The following SH3BGR variants were observed in gnomAD, a reference collection of about 807,000 sequenced individuals.
The protein encoded by SH3BGR is SH3 domain binding glutamate rich protein.
A neutral mutation model predicts 24.5 loss-of-function variants in SH3BGR; 29 were observed. That is an observed-to-expected ratio of 1.18 (90% CI 0.88 to 1.61). The LOEUF (loss-of-function observed/expected upper bound fraction) is 1.61. Among genes scored for constraint, SH3BGR ranks in the 40% most tolerant of loss-of-function variants. SH3BGR has a pLI of 0.00. For missense variants in SH3BGR, 162 were observed against 205.8 expected, an observed-to-expected ratio of 0.79 and a Z score of 1.30; for synonymous variants, 55 against 65.7, an observed-to-expected ratio of 0.84 and a Z score of 0.79.
chr21:39,492,781 A>G (rs907650007), intron 3 of SH3BGR, among the ~76,000 whole-genome samples: 3 of 151,978 alleles, frequency 2.0e-5, no homozygotes, highest in African/African-American at 7.3e-5. Flanking sequence ...CCACGCCAAC[A>G]CCTATATTTT....
At chr21:39,495,007 A>T (rs1017713354) in intron 3 of SH3BGR, among the ~76,000 whole-genome samples, 1 of 151,336 alleles carries the variant, frequency 6.6e-6, no homozygotes, top group Non-Finnish European at 1.5e-5. Context: ...TTTTTATTTC[A>T]TATATTGTAT....
chr21:39,456,858 T>C (rs921599006), intron 1 of SH3BGR, among the ~76,000 whole-genome samples: 3 of 152,128 alleles, frequency 2.0e-5, no homozygotes, highest in Non-Finnish European at 4.4e-5. Flanking sequence ...TGAGTAAGTG[T>C]TGTGTTGTGG....
chr21:39,482,083 G>A (rs2078138986), intron 3 of SH3BGR, among the ~76,000 whole-genome samples: 2 of 152,154 alleles, frequency 1.3e-5, no homozygotes. Context: ...TGTTGCAAAC[G>A]TGAAGTCCAT....
At chr21:39,506,063 G>A (rs184966591) in intron 4 of SH3BGR, among the ~76,000 whole-genome samples, 67 of 152,318 alleles carry the variant, frequency 4.4e-4, no homozygotes, top group African/African-American at 1.6e-3. Flanking sequence ...CAGATTTCAT[G>A]TGTTCTTCTA....
At chr21:39,512,563 G>C (rs1447453021) in intron 6 of SH3BGR, among the ~76,000 whole-genome samples, 1 of 152,162 alleles carries the variant, frequency 6.6e-6, no homozygotes, top group Non-Finnish European at 1.5e-5. Flanking sequence ...TGGATCTTGA[G>C]GACATGGGCG....
chr21:39,497,032 G>A (rs2078408205), intron 3 of SH3BGR, among the ~76,000 whole-genome samples: 1 of 151,846 alleles, frequency 6.6e-6, no homozygotes. Flanking sequence ...AATACTTTGT[G>A]TAACAACTTG....
chr21:39,513,670 G>A (rs1220581097), intron 6 of SH3BGR, among the ~76,000 whole-genome samples: 1 of 151,842 alleles, frequency 6.6e-6, no homozygotes, highest in Non-Finnish European at 1.5e-5. Context: ...CATTTCTAAG[G>A]AGTGGGTTGG....
chr21:39,477,935 T>C (rs1353280366), intron 3 of SH3BGR, among the ~76,000 whole-genome samples: 1 of 152,232 alleles, frequency 6.6e-6, no homozygotes, highest in African/African-American at 2.4e-5. Context: ...ACGTATACAT[T>C]GTGGATTGGC....
intron 2 of SH3BGR, 115 bp from the exon 3 acceptor site, chr21:39,475,020 A>T (rs1192264741): frequency 1.6e-6 from 1 of 626,942 alleles, no homozygotes; most frequent in East Asian, 2.8e-5. Context: ...AACTGGGATG[A>T]CTTTTTGTGT....
intron 3 of SH3BGR, chr21:39,491,922 G>A (rs545133304): frequency 2.8e-4 from 43 of 153,918 alleles, no homozygotes; most frequent in Non-Finnish European, 5.5e-4. Flanking sequence ...ACTGGAGCTG[G>A]TCTCCCATTT....
At position 39,452,131 on chromosome 21, in the gene SH3BGR, G is replaced by A; in HGVS notation, c.35G>A (p.Gly12Glu). 1 of 1,614,020 alleles carries A rather than the reference G, an allele frequency of 6.2e-7. No homozygotes were observed. The highest frequency in any genetic ancestry group is 1.1e-5 in the South Asian group (1 of 91,056). ...VIKVFVATSS[G>E]SIAIRKKQQE... ...AAAGTGTTTGTTGCTACATCTTCTG[G>A]GTCCATAGCGGTAGGTGTCTGGTGG... Residue 12 changes from glycine to glutamate, a missense_variant, in exon 1 of 7, where the codon GGG (glycine) becomes GAG (glutamate). Physicochemically the swap from Gly to Glu is moderately conservative, Grantham distance 98. Coordinates refer to ENST00000333634, the MANE Select transcript of SH3BGR (RefSeq NM_007341.3).
intron 3 of SH3BGR, among the ~76,000 whole-genome samples, chr21:39,476,780 C>T (rs1406385774): frequency 6.6e-6 from 1 of 152,130 alleles, no homozygotes; most frequent in Non-Finnish European, 1.5e-5. Context: ...AGGGGAGAGT[C>T]TAGTTTTTAC....
At chr21:39,452,829 C>T (rs776903522) in intron 1 of SH3BGR, among the ~76,000 whole-genome samples, 6 of 152,092 alleles carry the variant, frequency 3.9e-5, no homozygotes, top group Admixed American at 3.3e-4. Flanking sequence ...CTGGACCTGC[C>T]GTAAGAAATA....
intron 2 of SH3BGR, among the ~76,000 whole-genome samples, chr21:39,468,285 C>T (rs544235985): frequency 1.9e-4 from 29 of 152,226 alleles, no homozygotes; most frequent in African/African-American, 5.5e-4. Context: ...TGAAATATGC[C>T]GTATGTGATA....
chr21:39,446,736 A>G (rs1286020943), intron 1 of SH3BGR, among the ~76,000 whole-genome samples: 2 of 152,126 alleles, frequency 1.3e-5, no homozygotes, highest in African/African-American at 4.8e-5. Flanking sequence ...CTTGACATTC[A>G]TCTTTGTAAA....
At chr21:39,508,904 C>T (rs181108493) in intron 4 of SH3BGR, 94 bp from the exon 5 acceptor site, 4 of 899,854 alleles carry the variant, frequency 4.4e-6, no homozygotes, top group Non-Finnish European at 7.0e-6. Flanking sequence ...TTTTGATTAG[C>T]TTGTATTTTA....
intron 4 of SH3BGR, among the ~76,000 whole-genome samples, chr21:39,504,147 C>T (rs1378139379): frequency 2.0e-5 from 3 of 152,178 alleles, no homozygotes; most frequent in African/African-American, 7.2e-5. Flanking sequence ...CCCAGTCATC[C>T]TATCTGAAAG....
At chr21:39,507,669 A>G (rs555069765) in intron 4 of SH3BGR, among the ~76,000 whole-genome samples, 15 of 148,242 alleles carry the variant, frequency 1.0e-4, no homozygotes, top group Non-Finnish European at 1.6e-4. Context: ...CTTTATAGAC[A>G]AGGTCTTATT....
chr21:39,448,312 A>G (rs896914234), upstream of SH3BGR, among the ~76,000 whole-genome samples: 5 of 152,202 alleles, frequency 3.3e-5, no homozygotes, highest in Admixed American at 3.3e-4. Flanking sequence ...AATCATTTCC[A>G]TCATTCTACA....
Sources: allele counts gnomAD v4.1 joint callset (sites outside exome capture counted in the v4.1 genomes callset), GRCh38; gene constraint gnomAD v4.1.1; transcripts MANE v1.5; gene names NCBI Gene and HGNC (gene_info 2026-07-23, HGNC 2026-07-21).